Variants in DNAI7 observed in about 807,000 individuals in gnomAD.
DNAI7 encodes dynein axonemal intermediate chain 7.
Under a neutral mutation model 86.6 loss-of-function variants are expected in DNAI7, and 78 were observed. That is an observed-to-expected ratio of 0.90 (90% CI 0.75 to 1.09). DNAI7 has a LOEUF of 1.09. Ranked by LOEUF, DNAI7 falls within the 50% of genes least tolerant of loss-of-function variation. DNAI7 has a pLI of 0.00. For missense variants in DNAI7, 753 were observed against 810.2 expected, an observed-to-expected ratio of 0.93 and a Z score of 0.86; for synonymous variants, 274 against 273.0, an observed-to-expected ratio of 1.00 and a Z score of -0.04.
intron 8 of DNAI7, among the ~76,000 whole-genome samples, chr12:25,146,788 A>G (rs1330254692): frequency 6.6e-6 from 1 of 152,208 alleles, no homozygotes; most frequent in African/African-American, 2.4e-5. Context: ...AAGTGACACA[A>G]TCATCATTTT....
chr12:25,122,467 AAGAAGG>A (rs1236218840), intron 10 of DNAI7, among the ~76,000 whole-genome samples: 62 of 144,182 alleles, frequency 4.3e-4, no homozygotes, highest in African/African-American at 1.6e-3. Flanking sequence ...AAAAAAAAAA[AAGAAGG>A]AGAAGAAGAA....
chr12:25,140,408 A>C (rs1050392074), intron 9 of DNAI7, among the ~76,000 whole-genome samples: 1 of 152,214 alleles, frequency 6.6e-6, no homozygotes. Context: ...ACAGTGACCA[A>C]GCTGAGAATC....
In DNAI7 at chr12:25,123,259, T is replaced by C; in HGVS notation, c.1030A>G (p.Ile344Val). The change falls in exon 10 of 16, where the codon ATA (isoleucine) becomes GTA (valine). Residue 344 changes from isoleucine (I) to valine (V), a missense_variant. Ile to Val is a conservative substitution (Grantham distance 29, BLOSUM62 3). Coordinates refer to ENST00000395987, the MANE Select transcript of DNAI7 (RefSeq NM_018272.5). The stretch of plus-strand genomic sequence containing the variant: ...ACTTTCATCTCTCGTTCACATTTTA[T>C]GGCTTCAGATTCTTCCTCAGCAGAA... ...MSSAEEESEA[I>V]KCEREMKVLS... is the part of the protein sequence containing the mutation. 6.2e-7 allele frequency: 1 copy of C among 1,608,132 alleles called. No homozygotes were observed. The highest frequency in any genetic ancestry group is 1.1e-5 in the South Asian group (1 of 89,854).
intron 2 of DNAI7, among the ~76,000 whole-genome samples, chr12:25,167,785 G>A (rs1273716254): frequency 2.0e-5 from 3 of 151,944 alleles, no homozygotes; most frequent in African/African-American, 4.8e-5. Flanking sequence ...ACCCTCCTCC[G>A]CACTTACTTA....
intron 2 of DNAI7, among the ~76,000 whole-genome samples, chr12:25,176,771 G>T (rs536071405): frequency 6.6e-6 from 1 of 150,754 alleles, no homozygotes; most frequent in Non-Finnish European, 1.5e-5. Flanking sequence ...GTTTTCTAAC[G>T]TATATATATG....
chr12:25,115,756 C>T (rs1390899499), intron 12 of DNAI7, among the ~76,000 whole-genome samples: 1 of 152,198 alleles, frequency 6.6e-6, no homozygotes, highest in Non-Finnish European at 1.5e-5. Flanking sequence ...AACAATTTGG[C>T]AGTTTCTTTG....
At chr12:25,121,618 T>G (rs893580230) in intron 11 of DNAI7, 135 bp downstream of exon 11, 3 of 663,286 alleles carry the variant, frequency 4.5e-6, no homozygotes, top group Non-Finnish European at 7.3e-6. Context: ...CCAATACATT[T>G]AAGACAGTTT....
At chr12:25,144,026 T>G (rs1053172494) in intron 9 of DNAI7, among the ~76,000 whole-genome samples, 1 of 152,188 alleles carries the variant, frequency 6.6e-6, no homozygotes, top group African/African-American at 2.4e-5. Flanking sequence ...ATAAGATTAT[T>G]TACTGTAAGT....
chr12:25,157,633 A>C (rs1348943350), intron 4 of DNAI7, among the ~76,000 whole-genome samples: 1 of 152,204 alleles, frequency 6.6e-6, no homozygotes, highest in Non-Finnish European at 1.5e-5. Context: ...AAGCAGTTTA[A>C]AATTTTTTAG....
At chr12:25,147,157 C>A (rs1944956856) in intron 7 of DNAI7, 53 bp from the exon 8 acceptor site, 1 of 872,932 alleles carries the variant, frequency 1.1e-6, no homozygotes, top group African/African-American at 1.7e-5. Context: ...ATAAATTATA[C>A]AAATTAGATA....
intron 11 of DNAI7, among the ~76,000 whole-genome samples, chr12:25,120,724 CAAAAAAAATAAAAAT>C (rs1941158208): frequency 6.6e-6 from 1 of 151,058 alleles, no homozygotes; most frequent in Non-Finnish European, 1.5e-5. Context: ...GACTCCGTCT[CAAAAAAAATAAAAAT>C]AAAAAAAATA....
chr12:25,141,012 TAGA>T (rs1350573278), intron 9 of DNAI7, among the ~76,000 whole-genome samples: 1 of 152,094 alleles, frequency 6.6e-6, no homozygotes, highest in Non-Finnish European at 1.5e-5. Context: ...AAGCCATGTA[TAGA>T]AGAATGAAAC....
chr12:25,132,381 A>G (rs1268155884), intron 9 of DNAI7, among the ~76,000 whole-genome samples: 3 of 152,186 alleles, frequency 2.0e-5, no homozygotes, highest in Non-Finnish European at 4.4e-5. Context: ...ATAGAGTTTT[A>G]ACTTTAAAAA....
chr12:25,118,903 T>C (rs1250943662), intron 12 of DNAI7, among the ~76,000 whole-genome samples: 1 of 152,186 alleles, frequency 6.6e-6, no homozygotes, highest in Non-Finnish European at 1.5e-5. Flanking sequence ...GATATAACCA[T>C]AAAGTAATTG....
intron 2 of DNAI7, among the ~76,000 whole-genome samples, chr12:25,167,271 T>A (rs1454134941): frequency 6.6e-6 from 1 of 152,162 alleles, no homozygotes; most frequent in African/African-American, 2.4e-5. Context: ...GTGTTCCATC[T>A]GCTATTCTAC....
At chr12:25,140,478 T>C (rs1372232523) in intron 9 of DNAI7, among the ~76,000 whole-genome samples, 4 of 151,700 alleles carry the variant, frequency 2.6e-5, no homozygotes, top group Non-Finnish European at 5.9e-5. Flanking sequence ...AATAAATAAA[T>C]AAAATACTTA....
At chr12:25,184,988 G>C (rs1045530216) in intron 2 of DNAI7, among the ~76,000 whole-genome samples, 1 of 147,276 alleles carries the variant, frequency 6.8e-6, no homozygotes, top group African/African-American at 2.5e-5. Flanking sequence ...AAAAAAGAAA[G>C]AAAAAGAAAT....
At chr12:25,115,192 G>A (rs936289795) in intron 12 of DNAI7, among the ~76,000 whole-genome samples, 2 of 152,150 alleles carry the variant, frequency 1.3e-5, no homozygotes, top group African/African-American at 2.4e-5. Flanking sequence ...ATACCTCTGG[G>A]CCTCAGCACA....
intron 2 of DNAI7, among the ~76,000 whole-genome samples, chr12:25,164,920 G>A (rs919064615): frequency 2.6e-5 from 4 of 152,074 alleles, no homozygotes; most frequent in South Asian, 2.1e-4. Flanking sequence ...TTCGTTCCGC[G>A]ACTAGCCCTC....
Sources: allele counts gnomAD v4.1 joint callset (sites outside exome capture counted in the v4.1 genomes callset), GRCh38; gene constraint gnomAD v4.1.1; transcripts MANE v1.5; gene names NCBI Gene and HGNC (gene_info 2026-07-23, HGNC 2026-07-21).